The following PLB1 variants were observed in gnomAD, a reference collection of about 807,000 sequenced individuals.
PLB1 encodes the protein phospholipase B1.
A neutral mutation model predicts 227.4 loss-of-function variants in PLB1; 242 were observed. The ratio of observed to expected loss-of-function variants is 1.06; its 90% CI spans 0.96 to 1.18. The LOEUF is 1.18. Ranked by LOEUF, PLB1 falls within the 50% of genes most tolerant of loss-of-function variation. The probability of loss-of-function intolerance (pLI) is 0.00; values close to 1 mark genes in which losing one functional copy is unlikely to be tolerated. For missense variants in PLB1, 1,858 were observed against 1,816.3 expected (o/e 1.02, Z -0.42); for synonymous variants, 757 against 682.2 (o/e 1.11, Z -1.71).
chr2:28,556,827 A>G (rs1321473997), intron 17 of PLB1, among the ~76,000 whole-genome samples: 1 of 152,230 alleles, frequency 6.6e-6, no homozygotes, highest in Non-Finnish European at 1.5e-5. Context: ...AGTATAAACC[A>G]GAACAGTTCA....
At chr2:28,591,280 G>A in intron 30 of PLB1, 109 bp downstream of exon 30, 9 of 1,374,364 alleles carry the variant, frequency 6.5e-6, no homozygotes, top group Non-Finnish European at 9.3e-6. Flanking sequence ...AGTTCTAGAT[G>A]GGCATAAAGG....
intron 4 of PLB1, among the ~76,000 whole-genome samples, chr2:28,519,971 CG>C (rs1669298885): frequency 6.6e-6 from 1 of 151,934 alleles, no homozygotes; most frequent in Admixed American, 6.6e-5. Context: ...CTCTGTCACC[CG>C]GGCTGGAGTG....
chr2:28,600,667 C>G, intron 35 of PLB1, 142 bp from the exon 36 acceptor site: 1 of 720,880 alleles, frequency 1.4e-6, no homozygotes, highest in Non-Finnish European at 2.4e-6. Context: ...AGAGGCAAGT[C>G]ACTCCTGGTT....
chr2:28,519,658 T>C, intron 3 of PLB1, 47 bp from the exon 4 acceptor site: 3 of 1,418,086 alleles, frequency 2.1e-6, no homozygotes, highest in Non-Finnish European at 3.0e-6. Context: ...GCCGACATCA[T>C]GGGGAATGTA....
chr2:28,556,231 A>G (rs532466648), intron 17 of PLB1, among the ~76,000 whole-genome samples: 5 of 152,296 alleles, frequency 3.3e-5, no homozygotes, highest in African/African-American at 1.2e-4. Flanking sequence ...CCACAGATAC[A>G]TGCATCTAAA....
At chr2:28,532,261 G>A (rs1572795439) in intron 9 of PLB1, 67 bp downstream of exon 9, 1 of 1,308,384 alleles carries the variant, frequency 7.6e-7, no homozygotes, top group Non-Finnish European at 1.1e-6. Flanking sequence ...AACTAAACCT[G>A]CCTGATTACC....
intron 43 of PLB1, among the ~76,000 whole-genome samples, chr2:28,608,729 G>A (rs905971445): frequency 2.0e-5 from 3 of 152,058 alleles, no homozygotes; most frequent in African/African-American, 7.2e-5. Context: ...TGACCTCTCT[G>A]AAGCCCTTGT....
At chr2:28,607,363 C>T (rs533270578) in intron 43 of PLB1, among the ~76,000 whole-genome samples, 1 of 152,232 alleles carries the variant, frequency 6.6e-6, no homozygotes, top group South Asian at 2.1e-4. Context: ...CCTGCAGCTC[C>T]CCCATGTGTC....
intron 4 of PLB1, among the ~76,000 whole-genome samples, chr2:28,520,223 CA>C (rs1226551036): frequency 1.8e-5 from 2 of 111,636 alleles, no homozygotes; most frequent in Admixed American, 1.9e-4. Flanking sequence ...CCACTGCGCC[CA>C]GCCGAATCTT....
At chr2:28,612,848 C>G (rs1203644137) in intron 43 of PLB1, among the ~76,000 whole-genome samples, 1 of 149,616 alleles carries the variant, frequency 6.7e-6, no homozygotes, top group Non-Finnish European at 1.5e-5. Context: ...AACTCTTGGC[C>G]TCATGTGATG....
At chr2:28,615,860 G>A (rs750840512) in intron 44 of PLB1, among the ~76,000 whole-genome samples, 3 of 152,350 alleles carry the variant, frequency 2.0e-5, no homozygotes, top group East Asian at 1.9e-4. Context: ...CTAGAAGGGC[G>A]TGTGTTTGTT....
intron 26 of PLB1, among the ~76,000 whole-genome samples, chr2:28,588,168 A>G (rs187256052): frequency 6.6e-6 from 1 of 152,230 alleles, no homozygotes; most frequent in African/African-American, 2.4e-5. Flanking sequence ...ACCACTTGCC[A>G]TGTGCCAGGG....
At chr2:28,508,367 C>T (rs1381779920) in intron 1 of PLB1, among the ~76,000 whole-genome samples, 1 of 152,184 alleles carries the variant, frequency 6.6e-6, no homozygotes, top group East Asian at 1.9e-4. Context: ...CCATTCTCAC[C>T]TTCCACTGGT....
chr2:28,625,917 CAA>C (rs951807151), intron 50 of PLB1, among the ~76,000 whole-genome samples: 1 of 133,402 alleles, frequency 7.5e-6, no homozygotes. Flanking sequence ...CGCCCACCGC[CAA>C]AAAAAAAAAA....
chr2:28,590,933 A>G (rs904403992), intron 29 of PLB1, among the ~76,000 whole-genome samples, 200 bp from the exon 30 acceptor site: 18 of 152,156 alleles, frequency 1.2e-4, no homozygotes, highest in African/African-American at 4.3e-4. Flanking sequence ...GCATGAATTG[A>G]TGCTCATTCT....
At chr2:28,640,541 C>T (rs899343228) in intron 56 of PLB1, among the ~76,000 whole-genome samples, 2 of 152,158 alleles carry the variant, frequency 1.3e-5, no homozygotes, top group African/African-American at 2.4e-5. Context: ...GGATTGTCGT[C>T]GTTTTATAAA....
At chr2:28,546,170 A>C (rs1673233995) in intron 14 of PLB1, among the ~76,000 whole-genome samples, 1 of 152,170 alleles carries the variant, frequency 6.6e-6, no homozygotes, top group Admixed American at 6.5e-5. Context: ...TGCCAAGCCG[A>C]GGAGGATTTT....
At chr2:28,641,028 G>T in intron 57 of PLB1, 27 bp downstream of exon 57, 1 of 1,606,122 alleles carries the variant, frequency 6.2e-7, no homozygotes, top group Non-Finnish European at 8.5e-7. Flanking sequence ...CCTGCCCCAG[G>T]TGGAACAGAT....
In PLB1 at chr2:28,633,189, T is replaced by C. The variant is rs1558969248; in HGVS notation, c.4098+150T>C. ...CACCTTATTGGTCCTGATAGATTAA[T>C]TCCAAAGGGAAAATACCCTATATTT... On this transcript the variant is annotated intron_variant, in intron 56 of 57. Transcript: ENST00000327757. 8.2e-6 allele frequency: 5 copies of C among 610,342 alleles called. No individual in the cohort carries two copies. The African/African-American group carries it at 9.3e-5, about 11-fold the overall frequency. 37.8% of individuals were successfully genotyped at this position (610,342 alleles called of 1,614,324 possible).
Sources: allele counts gnomAD v4.1 joint callset (sites outside exome capture counted in the v4.1 genomes callset), GRCh38; gene constraint gnomAD v4.1.1; transcripts MANE v1.5; gene names NCBI Gene and HGNC (gene_info 2026-07-23, HGNC 2026-07-21).